Variants in RAB40C observed in about 807,000 individuals in gnomAD.
RAB40C encodes RAB40C, member RAS oncogene family.
Under a neutral mutation model 28.1 loss-of-function variants are expected in RAB40C, and 8 were observed. The ratio of observed to expected loss-of-function variants is 0.28; its 90% CI spans 0.17 to 0.51. RAB40C has a LOEUF of 0.51. Among genes scored for constraint, RAB40C ranks in the 20% least tolerant of loss-of-function variants. The pLI, the probability that RAB40C is intolerant of heterozygous loss-of-function variation, is 0.97. For missense variants in RAB40C, 288 were observed against 405.9 expected, an observed-to-expected ratio of 0.71 and a Z score of 2.50; for synonymous variants, 201 against 171.7, an observed-to-expected ratio of 1.17 and a Z score of -1.34.
intron 1 of RAB40C, among the ~76,000 whole-genome samples, chr16:614,771 G>C (rs916791423): frequency 1.3e-5 from 2 of 151,426 alleles, no homozygotes; most frequent in Admixed American, 1.3e-4. Context: ...GCCGCATCCC[G>C]ACGGTGAACT....
At chr16:620,606 G>A (rs1218338785) in intron 3 of RAB40C, among the ~76,000 whole-genome samples, 2 of 150,784 alleles carry the variant, frequency 1.3e-5, no homozygotes, top group East Asian at 1.9e-4. Flanking sequence ...AGGCTCCACT[G>A]CGGGCATCCC....
intron 3 of RAB40C, chr16:624,495 C>T (rs969362282): frequency 1.0e-6 from 1 of 985,490 alleles, no homozygotes; most frequent in Non-Finnish European, 1.2e-6. Context: ...GTAATGTCAA[C>T]CTTGTTCTAA....
chr16:610,970 T>A lies in RAB40C; in HGVS notation c.143-6238T>A, dbSNP rs1194234049. 1.3e-5 allele frequency among the ~76,000 whole-genome samples: 2 copies of A among 152,112 alleles called. No homozygotes were observed. Among genetic ancestry groups the A allele is most frequent in the Non-Finnish European group, 2.9e-5 (2 of 68,020 alleles). On this transcript the variant is annotated intron_variant, in intron 1 of 5. Transcript: ENST00000248139. The surrounding 1 kb of genome is among the most constrained non-coding windows in gnomAD (Gnocchi z 4.6). Reference sequence around the variant, plus strand: ...ACTGTGCTTAGAGAACAGGCCGCTGTTTGTGTCTAAATGGTATCCATGGGG... The same window carrying A: ...ACTGTGCTTAGAGAACAGGCCGCTGATTGTGTCTAAATGGTATCCATGGGG...
Position 628,175 on chromosome 16 carries a change from G to C in RAB40C, c.*553G>C, listed in dbSNP as rs1168410345. ...CTCCCTCTGGAAGCTTGGGTGACCG[G>C]GGCCCTGGCTCCCACGGGATGGAGG... On this transcript the variant is annotated 3_prime_UTR_variant, in exon 6 of 6. Transcript: ENST00000248139. 6.6e-6 allele frequency: 1 copy of C among 152,570 alleles called. No homozygotes were observed. Among genetic ancestry groups the C allele is most frequent in the Admixed American group, 6.5e-5 (1 of 15,310 alleles). 9.5% of individuals were successfully genotyped at this position (152,570 alleles called of 1,614,324 possible). A position where few individuals can be genotyped will look rare whatever the true frequency, so the allele number is the denominator to read the frequency against.
chr16:611,607 C>A (rs2151071692), intron 1 of RAB40C, among the ~76,000 whole-genome samples: 1 of 151,972 alleles, frequency 6.6e-6, no homozygotes, highest in African/African-American at 2.4e-5. Flanking sequence ...GGACAGCCGC[C>A]CTGGCCTGTA....
intron 1 of RAB40C, among the ~76,000 whole-genome samples, chr16:607,491 G>A (rs1375727629): frequency 7.6e-6 from 1 of 131,150 alleles, no homozygotes; most frequent in East Asian, 2.2e-4. Flanking sequence ...CAACGAGAGT[G>A]AAACTGTCTC....
intron 1 of RAB40C, among the ~76,000 whole-genome samples, chr16:615,659 A>G (rs907797413): frequency 2.0e-5 from 3 of 152,238 alleles, no homozygotes; most frequent in Non-Finnish European, 4.4e-5. Context: ...GTAAGGAAAT[A>G]AAAAGTAATG....
intron 1 of RAB40C, among the ~76,000 whole-genome samples, chr16:603,689 A>G (rs1011109334): frequency 2.0e-5 from 3 of 152,090 alleles, no homozygotes; most frequent in Admixed American, 2.0e-4. Context: ...TTTGGCACAT[A>G]TATGTACCTA....
intron 3 of RAB40C, chr16:623,957 C>T (rs759427315): frequency 1.9e-4 from 185 of 985,390 alleles, no homozygotes; most frequent in Admixed American, 3.7e-4. Context: ...AAATGCCATC[C>T]GCAGTGCTGG....
chr16:591,875 G>A (rs544853824), intron 1 of RAB40C, among the ~76,000 whole-genome samples: 34 of 152,352 alleles, frequency 2.2e-4, no homozygotes, highest in Non-Finnish European at 4.1e-4. Context: ...GATTACAGAC[G>A]TGAGCCACTG....
chr16:600,016 G>A (rs947267576), intron 1 of RAB40C, among the ~76,000 whole-genome samples: 37 of 148,884 alleles, frequency 2.5e-4, no homozygotes, highest in Middle Eastern at 3.2e-3. Context: ...ATCAGTCAGC[G>A]TGGATTCGCA....
chr16:617,384 C>A, intron 2 of RAB40C, 116 bp downstream of exon 2: 1 of 1,184,022 alleles, frequency 8.4e-7, no homozygotes, highest in Non-Finnish European at 1.3e-6. Context: ...GGAAGAGCCA[C>A]TTACACAGCC....
intron 1 of RAB40C, among the ~76,000 whole-genome samples, chr16:613,235 C>G (rs2036519775): frequency 6.8e-6 from 1 of 146,306 alleles, no homozygotes; most frequent in Admixed American, 6.9e-5. Context: ...CCTGTAGCAT[C>G]AAGAGCAGGG....
At chr16:591,847 G>T (rs1362373117) in intron 1 of RAB40C, among the ~76,000 whole-genome samples, 1 of 152,042 alleles carries the variant, frequency 6.6e-6, no homozygotes, top group Non-Finnish European at 1.5e-5. Context: ...TGCCCACCTC[G>T]GCCTCCCAAA....
intron 1 of RAB40C, among the ~76,000 whole-genome samples, chr16:606,033 T>G (rs8050792): frequency 6.6e-6 from 1 of 152,086 alleles, no homozygotes; most frequent in South Asian, 2.1e-4. Context: ...TAGTTTGGAT[T>G]CAGTTTATTT....
Position 601,815 on chromosome 16 carries a change from T to TAAAAAAAAAAAAAAAAAAAAAAAAAA in RAB40C, c.142+11387_142+11412dup, listed in dbSNP as rs60094426. On this transcript the variant is annotated intron_variant, in intron 1 of 5. Coordinates refer to ENST00000248139, the MANE Select transcript of RAB40C (RefSeq NM_021168.5). ...AAGGCCCTATCCCTGCAAAAAAAAGTAAAAAAAAAAAAAAAAAAAAAAAAA... is the reference window on the plus strand; with the variant it reads ...AAGGCCCTATCCCTGCAAAAAAAAGTAAAAAAAAAAAAAAAAAAAAAAAAAAAAAAAAAAAAAAAAAAAAAAAAAAA... 6.6e-4 allele frequency among the ~76,000 whole-genome samples: 18 copies of TAAAAAAAAAAAAAAAAAAAAAAAAAA among 27,200 alleles called. 3 individuals carry two copies. Among genetic ancestry groups the TAAAAAAAAAAAAAAAAAAAAAAAAAA allele is most frequent in the Non-Finnish European group, 1.0e-3 (14 of 14,018 alleles). The allele number at this position is 27,200 out of a possible 152,430, so 17.8% of individuals were successfully genotyped here.
Position 590,109 on chromosome 16 carries a change from G to T in RAB40C, c.-183G>T. ...TGGTGCGGGAAGCGGCGGGGCGGCG[G>T]CGAGGCTGAGGTGCGCCCGGGCGCG... On this transcript the variant is annotated 5_prime_UTR_variant, in exon 1 of 6. Transcript: ENST00000248139. 5.5e-6 allele frequency: 1 copy of T among 181,986 alleles called. No homozygotes were observed. The highest frequency in any genetic ancestry group is 1.0e-5 in the Non-Finnish European group (1 of 98,160). 11.3% of individuals were successfully genotyped at this position (181,986 alleles called of 1,614,324 possible).
intron 1 of RAB40C, among the ~76,000 whole-genome samples, chr16:604,302 G>A (rs1223878837): frequency 6.6e-6 from 1 of 152,096 alleles, no homozygotes; most frequent in African/African-American, 2.4e-5. Flanking sequence ...CATATGTAGG[G>A]ATACAGTTCA....
intron 1 of RAB40C, among the ~76,000 whole-genome samples, chr16:606,625 T>C (rs547259327): frequency 6.6e-6 from 1 of 152,394 alleles, no homozygotes; most frequent in African/African-American, 2.4e-5. Flanking sequence ...GTTGGCAGAA[T>C]TCCGTTCTTG....
Sources: gnomAD v4.1 joint callset for allele counts (sites outside exome capture counted in the v4.1 genomes callset) on GRCh38, gnomAD v4.1.1 for gene constraint, Gnocchi (gnomAD v3.1) non-coding constraint, MANE v1.5 for transcripts, NCBI Gene and HGNC (gene_info 2026-07-23, HGNC 2026-07-21) for gene names.